The following TPH1 variants were observed in gnomAD, a reference collection of about 807,000 sequenced individuals.
TPH1 encodes the protein tryptophan hydroxylase 1.
Under a neutral mutation model 49.5 loss-of-function variants are expected in TPH1, and 37 were observed. The observed-to-expected ratio is 0.75, with a 90% CI of 0.58 to 0.98. The LOEUF (loss-of-function observed/expected upper bound fraction) is 0.98, where lower values mean the gene tolerates loss of function less well. Among genes scored for constraint, TPH1 ranks in the 50% least tolerant of loss-of-function variants. The pLI, the probability that TPH1 is intolerant of heterozygous loss-of-function variation, is 0.00. For synonymous variants in TPH1, 160 were observed against 182.1 expected, an observed-to-expected ratio of 0.88 and a Z score of 0.98; for missense variants, 487 against 523.6, an observed-to-expected ratio of 0.93 and a Z score of 0.68.
At chr11:18,043,708 T>A (rs1848117803) in intron 1 of TPH1, among the ~76,000 whole-genome samples, 2 of 151,506 alleles carry the variant, frequency 1.3e-5, no homozygotes, top group African/African-American at 2.4e-5. Flanking sequence ...ACAAAAAAAA[T>A]TGTTTAAGTT....
In TPH1 at chr11:18,038,780, C is replaced by T. The variant is rs375256713; in HGVS notation, c.117+1866G>A. Among the ~76,000 whole-genome samples the T allele has an allele frequency of 1.8e-4, 27 of 151,674 alleles. No individual in the cohort carries two copies. In the East Asian group the frequency reaches 4.8e-3, roughly 27 times the overall value. On this transcript the variant is annotated intron_variant, in intron 2 of 10. Coordinates refer to ENST00000682019, the MANE Select transcript of TPH1 (RefSeq NM_004179.3). ...TTTTAAGCTATGCACAATTATTCTTCGATTAAAAATTAAATTTAAAAAAAG... is the reference window on the plus strand; with the variant it reads ...TTTTAAGCTATGCACAATTATTCTTTGATTAAAAATTAAATTTAAAAAAAG...
chr11:18,044,796 T>C (rs530524148), intron 1 of TPH1, among the ~76,000 whole-genome samples: 42 of 152,040 alleles, frequency 2.8e-4, no homozygotes, highest in Admixed American at 1.8e-3. Flanking sequence ...AATACTAACC[T>C]GGTAAGATAA....
Position 18,040,661 on chromosome 11 carries a change from G to A in TPH1, c.102C>T (p.Ala34=), listed in dbSNP as rs1173546708. 1.9e-6 allele frequency: 3 copies of A among 1,611,590 alleles called. No homozygotes were observed. The East Asian group carries it at 6.7e-5, about 36-fold the overall frequency. The change falls in exon 2 of 11, where the codon GCC becomes GCT. Residue 34 remains alanine (A), a synonymous_variant. Coordinates refer to ENST00000682019, the MANE Select transcript of TPH1 (RefSeq NM_004179.3). ...LKNEVGGLIK[A]LKIFQEKHVN... is the part of the protein sequence containing the mutation. ...AAATGCTTACCTGAAAGATTTTCAG[G>A]GCTTTTATAAGTCCTCCAACTTCAT...
At position 18,032,552 on chromosome 11, in the gene TPH1, T is replaced by C. The variant is rs1027130369; in HGVS notation, c.402+722A>G. Among the ~76,000 whole-genome samples, 8 of 140,824 alleles carry C rather than the reference T, an allele frequency of 5.7e-5. No individual in the cohort carries two copies. In the East Asian group the frequency reaches 1.6e-3, roughly 28 times the overall value. The allele number at this position is 140,824 out of a possible 152,430, so 92.4% of individuals were successfully genotyped here. ...TTGTTGAAATCTTTTTTTTTTTTTT[T>C]TTTTTTTTTTTGAGACAGAGTCTCA... is the stretch of plus-strand genomic sequence containing the variant. On this transcript the variant is annotated intron_variant, in intron 4 of 10. Coordinates refer to ENST00000682019, the MANE Select transcript of TPH1 (RefSeq NM_004179.3).
intron 4 of TPH1, among the ~76,000 whole-genome samples, chr11:18,029,882 T>C (rs1369246861): frequency 6.6e-6 from 1 of 152,206 alleles, no homozygotes; most frequent in Non-Finnish European, 1.5e-5. Flanking sequence ...TACATGGCTC[T>C]TTTCCAAGGG....
intron 4 of TPH1, among the ~76,000 whole-genome samples, chr11:18,032,381 G>A (rs914473251): frequency 2.0e-5 from 3 of 152,050 alleles, no homozygotes; most frequent in African/African-American, 7.3e-5. Context: ...ACTGATTGCA[G>A]ATGCTGTCTT....
chr11:18,035,764 C>T (rs1848042605), intron 3 of TPH1, among the ~76,000 whole-genome samples, 195 bp downstream of exon 3: 1 of 152,128 alleles, frequency 6.6e-6, no homozygotes. Context: ...ATTTCTCTTA[C>T]ACTTGATCAA....
At chr11:18,036,215 A>T in intron 2 of TPH1, 73 bp from the exon 3 acceptor site, 1 of 1,167,706 alleles carries the variant, frequency 8.6e-7, no homozygotes, top group Non-Finnish European at 1.3e-6. Context: ...GGCTACTTTA[A>T]TTACCACTAA....
intron 2 of TPH1, 104 bp from the exon 3 acceptor site, chr11:18,036,246 A>C: frequency 1.2e-6 from 1 of 822,822 alleles, no homozygotes; most frequent in Non-Finnish European, 2.0e-6. Flanking sequence ...CACACTTCTC[A>C]GAACAGCAAA....
At chr11:18,030,633 T>C (rs913469605) in intron 4 of TPH1, among the ~76,000 whole-genome samples, 21 of 152,144 alleles carry the variant, frequency 1.4e-4, no homozygotes, top group Non-Finnish European at 2.9e-4. Context: ...GAACCTGTTA[T>C]TGTAAAATGA....
At chr11:18,033,226 C>A in intron 4 of TPH1, 48 bp downstream of exon 4, 1 of 1,447,712 alleles carries the variant, frequency 6.9e-7, no homozygotes, top group South Asian at 1.1e-5. Flanking sequence ...GCACTCCAGT[C>A]TGGACAGCAG....
chr11:18,044,156 C>T (rs1331752789), intron 1 of TPH1, among the ~76,000 whole-genome samples: 1 of 152,118 alleles, frequency 6.6e-6, no homozygotes, highest in East Asian at 1.9e-4. Flanking sequence ...ATGTAAGTGG[C>T]TCACACCTGT....
chr11:18,045,523 G>C (rs1590270429), intron 1 of TPH1, among the ~76,000 whole-genome samples: 1 of 150,800 alleles, frequency 6.6e-6, no homozygotes, highest in Non-Finnish European at 1.5e-5. Flanking sequence ...TCCTGGGTTA[G>C]CAAGTTCAAC....
chr11:18,040,825 A>G, intron 1 of TPH1, 37 bp from the exon 2 acceptor site: 1 of 1,577,474 alleles, frequency 6.3e-7, no homozygotes. Context: ...GCTAAAAAAG[A>G]AGTTGCACAA....
intron 6 of TPH1, 46 bp from the exon 7 acceptor site, chr11:18,026,671 C>G (rs192186807): frequency 2.5e-6 from 4 of 1,612,160 alleles, no homozygotes; most frequent in East Asian, 4.5e-5. Flanking sequence ...CCAGAATAGA[C>G]CCCTGACTGC....
intron 1 of TPH1, among the ~76,000 whole-genome samples, chr11:18,044,775 C>CAA (rs34622205): frequency 2.2e-4 from 12 of 55,604 alleles, no homozygotes; most frequent in African/African-American, 7.2e-4. Context: ...CAAAACAAAA[C>CAA]AAAAAAACAC....
chr11:18,029,153 T>G lies in TPH1; in HGVS notation c.667+12A>C. 1 of 1,582,514 alleles carries G rather than the reference T, an allele frequency of 6.3e-7. No individual in the cohort carries two copies. Among genetic ancestry groups the G allele is most frequent in the South Asian group, 1.1e-5 (1 of 90,334 alleles). On this transcript the variant is annotated intron_variant, in intron 6 of 10. Transcript: ENST00000682019. ...CAGCAACTCCCTTACAAAAAATTAA[T>G]TAGCTTATTACCTTTTAAAAAGTTG...
rs1057038890 is a variant in TPH1 at position 18,021,729 on chromosome 11, A to G, written c.1161-564T>C. ...TTTTCTGCTTAGAATGTTTCCCTCT[A>G]GGCCCCTTTCAAATGACCTAAATTC... is the stretch of plus-strand genomic sequence containing the variant. On this transcript the variant is annotated intron_variant, in intron 10 of 10. Coordinates refer to ENST00000682019, the MANE Select transcript of TPH1 (RefSeq NM_004179.3). Among the ~76,000 whole-genome samples, 3 of 152,090 alleles carry G rather than the reference A, an allele frequency of 2.0e-5. No individual in the cohort carries two copies. In the South Asian group the frequency reaches 6.2e-4, roughly 32 times the overall value.
rs1218517280 is a variant in TPH1 at position 18,019,745 on chromosome 11, G to T, written c.*1246C>A. ...GAACATCTTCATTTAGTGACTAGAG[G>T]GAGGAAAGGGGCAAATTAAAGAGAC... is the stretch of plus-strand genomic sequence containing the variant. On this transcript the variant is annotated 3_prime_UTR_variant, in exon 11 of 11. Transcript: ENST00000682019. 2.2e-6 allele frequency: 1 copy of T among 458,276 alleles called. No homozygotes were observed. The highest frequency in any genetic ancestry group is 1.5e-5 in the South Asian group (1 of 64,600). 28.4% of individuals were successfully genotyped at this position (458,276 alleles called of 1,614,324 possible).
Sources: allele counts gnomAD v4.1 joint callset (sites outside exome capture counted in the v4.1 genomes callset), GRCh38; gene constraint gnomAD v4.1.1; transcripts MANE v1.5; gene names NCBI Gene and HGNC (gene_info 2026-07-23, HGNC 2026-07-21).